The following CDK14 variants were observed in gnomAD, a reference collection of about 807,000 sequenced individuals.
CDK14 encodes cyclin-dependent kinase 14.
Under a neutral mutation model 60.7 loss-of-function variants are expected in CDK14, and 34 were observed. The ratio of observed to expected loss-of-function variants is 0.56; its 90% CI spans 0.43 to 0.75. CDK14 has a LOEUF of 0.75. CDK14 is among the 30% of genes least tolerant of loss of function. The pLI is 0.00. For missense variants in CDK14, 482 were observed against 564.1 expected, an observed-to-expected ratio of 0.85 and a Z score of 1.47; for synonymous variants, 197 against 203.7, an observed-to-expected ratio of 0.97 and a Z score of 0.28.
intron 4 of CDK14, among the ~76,000 whole-genome samples, chr7:90,770,853 T>C (rs1804758318): frequency 6.6e-6 from 1 of 152,166 alleles, no homozygotes; most frequent in Non-Finnish European, 1.5e-5. Context: ...CAAGACTATC[T>C]CCATGACCAA....
At chr7:90,659,869 C>CTG (rs1188743995) in intron 2 of CDK14, among the ~76,000 whole-genome samples, 7 of 145,734 alleles carry the variant, frequency 4.8e-5, no homozygotes, top group South Asian at 2.2e-4. Context: ...CTCTCTCTCT[C>CTG]TCTCTCTGTG....
intron 10 of CDK14, among the ~76,000 whole-genome samples, chr7:91,006,819 A>T (rs1795992165): frequency 6.6e-6 from 1 of 152,240 alleles, no homozygotes; most frequent in Non-Finnish European, 1.5e-5. Context: ...TTTGTCACCT[A>T]AATCAGTCAC....
chr7:91,186,852 A>G (rs1802207412), intron 14 of CDK14, among the ~76,000 whole-genome samples: 1 of 152,208 alleles, frequency 6.6e-6, no homozygotes, highest in Non-Finnish European at 1.5e-5. Flanking sequence ...CAATTAAAAT[A>G]TTCTCTGCAT....
chr7:91,075,895 G>C (rs1798293887), intron 11 of CDK14, among the ~76,000 whole-genome samples: 1 of 151,968 alleles, frequency 6.6e-6, no homozygotes, highest in South Asian at 2.1e-4. Flanking sequence ...AAAATACCTA[G>C]GAATACAGCT....
chr7:90,647,052 A>G (rs965827818), intron 2 of CDK14, among the ~76,000 whole-genome samples: 2 of 152,126 alleles, frequency 1.3e-5, no homozygotes, highest in Non-Finnish European at 2.9e-5. Context: ...ATGCTTTACT[A>G]GTTATTTTAA....
chr7:90,656,973 C>T (rs549730190), intron 2 of CDK14, among the ~76,000 whole-genome samples: 1 of 152,128 alleles, frequency 6.6e-6, no homozygotes, highest in Non-Finnish European at 1.5e-5. Context: ...TTATGCCTCT[C>T]TCTGCTGACA....
chr7:90,798,825 G>A (rs942808652), intron 5 of CDK14, among the ~76,000 whole-genome samples: 2 of 152,134 alleles, frequency 1.3e-5, no homozygotes, highest in African/African-American at 2.4e-5. Context: ...TTCTGTCCTC[G>A]ATGGCAGCTT....
intron 9 of CDK14, among the ~76,000 whole-genome samples, chr7:90,975,857 A>G (rs1795055684): frequency 1.3e-5 from 2 of 152,330 alleles, no homozygotes; most frequent in South Asian, 2.1e-4. Flanking sequence ...ATGTTGTCAC[A>G]AAAGACAAGA....
intron 2 of CDK14, among the ~76,000 whole-genome samples, chr7:90,715,411 G>A (rs1273731550): frequency 1.3e-5 from 2 of 152,012 alleles, no homozygotes; most frequent in African/African-American, 2.4e-5. Flanking sequence ...TCAGCCTCTT[G>A]TGTTTATTAG....
intron 3 of CDK14, among the ~76,000 whole-genome samples, chr7:90,745,512 T>G (rs1398008975): frequency 6.6e-6 from 1 of 152,052 alleles, no homozygotes; most frequent in Non-Finnish European, 1.5e-5. Flanking sequence ...ACCTCTGAGG[T>G]TCAAGCAGTT....
chr7:90,969,100 G>A (rs1421724324), intron 9 of CDK14, among the ~76,000 whole-genome samples: 1 of 152,110 alleles, frequency 6.6e-6, no homozygotes, highest in Non-Finnish European at 1.5e-5. Flanking sequence ...ATTCCAAGAA[G>A]CCCACAGACT....
intron 9 of CDK14, among the ~76,000 whole-genome samples, chr7:90,974,137 C>T (rs1795004245): frequency 6.6e-6 from 1 of 152,104 alleles, no homozygotes; most frequent in Non-Finnish European, 1.5e-5. Flanking sequence ...TGATACTTCT[C>T]CTATTCACAT....
At chr7:90,939,329 C>G (rs1213904880) in intron 8 of CDK14, among the ~76,000 whole-genome samples, 1 of 152,154 alleles carries the variant, frequency 6.6e-6, no homozygotes. Flanking sequence ...TACTGTAATT[C>G]TTAAAGGCTA....
intron 9 of CDK14, among the ~76,000 whole-genome samples, chr7:90,963,031 G>A (rs1195989840): frequency 6.6e-6 from 1 of 151,544 alleles, no homozygotes; most frequent in African/African-American, 2.4e-5. Flanking sequence ...TTAACATACT[G>A]CCTGTGTCTT....
chr7:91,129,371 C>A (rs898740436), intron 14 of CDK14, among the ~76,000 whole-genome samples: 17 of 152,128 alleles, frequency 1.1e-4, no homozygotes, highest in Non-Finnish European at 1.8e-4. Context: ...TAATAATATT[C>A]TTGATGAGGA....
chr7:90,755,512 A>G (rs1804018787), intron 4 of CDK14, among the ~76,000 whole-genome samples: 1 of 152,184 alleles, frequency 6.6e-6, no homozygotes, highest in Non-Finnish European at 1.5e-5. Flanking sequence ...TTTGGGTACT[A>G]TACTTACTAC....
At chr7:91,108,739 C>A (rs766480625) in intron 12 of CDK14, among the ~76,000 whole-genome samples, 1 of 152,164 alleles carries the variant, frequency 6.6e-6, no homozygotes, top group Non-Finnish European at 1.5e-5. Context: ...AATCTCATTT[C>A]GTGCTATTAT....
At chr7:90,888,666 T>A (rs1033740574) in intron 6 of CDK14, among the ~76,000 whole-genome samples, 8 of 152,246 alleles carry the variant, frequency 5.3e-5, no homozygotes, top group African/African-American at 1.9e-4. Context: ...GTTAAGATAT[T>A]CCTGAGTACT....
chr7:90,802,950 G>C (rs1182099299), intron 5 of CDK14, among the ~76,000 whole-genome samples: 1 of 151,934 alleles, frequency 6.6e-6, no homozygotes, highest in Non-Finnish European at 1.5e-5. Flanking sequence ...TTGTGTGTTT[G>C]GTCTCTTTCT....
Sources: gnomAD v4.1 joint callset for allele counts (sites outside exome capture counted in the v4.1 genomes callset) on GRCh38, gnomAD v4.1.1 for gene constraint, MANE v1.5 for transcripts, NCBI Gene and HGNC (gene_info 2026-07-23, HGNC 2026-07-21) for gene names.